Variants in FSD1L observed in about 807,000 individuals in gnomAD.
The protein encoded by FSD1L is FSD1-like protein.
A neutral mutation model predicts 71.6 loss-of-function variants in FSD1L; 45 were observed. The ratio of observed to expected loss-of-function variants is 0.63; its 90% CI spans 0.49 to 0.81. FSD1L has a LOEUF of 0.81. FSD1L is among the 30% of genes least tolerant of loss of function. The pLI, the probability that FSD1L is intolerant of heterozygous loss-of-function variation, is 0.00. For synonymous variants in FSD1L, 197 were observed against 207.2 expected (o/e 0.95, Z 0.42); for missense variants, 561 against 618.1 (o/e 0.91, Z 0.98).
At chr9:105,506,066 C>T (rs1382182261) in intron 7 of FSD1L, among the ~76,000 whole-genome samples, 1 of 152,096 alleles carries the variant, frequency 6.6e-6, no homozygotes, top group African/African-American at 2.4e-5. Flanking sequence ...AAAATACACT[C>T]TTGAATTATT....
chr9:105,444,188 A>G (rs969032778), upstream of FSD1L, among the ~76,000 whole-genome samples: 1 of 152,228 alleles, frequency 6.6e-6, no homozygotes, highest in Non-Finnish European at 1.5e-5. Context: ...ACAGAAGGAC[A>G]TTATGAGTAA....
intron 5 of FSD1L, among the ~76,000 whole-genome samples, chr9:105,474,980 C>T (rs187496093): frequency 4.0e-3 from 614 of 152,276 alleles, no homozygotes; most frequent in Middle Eastern, 0.014. Flanking sequence ...TTTATGCAGA[C>T]GGATCACCAG....
intron 1 of FSD1L, among the ~76,000 whole-genome samples, chr9:105,450,534 C>CTTT (rs35115121): frequency 4.1e-4 from 56 of 137,934 alleles, no homozygotes; most frequent in African/African-American, 1.3e-3. Flanking sequence ...GGATTGTGTT[C>CTTT]TTTTTTTTTT....
chr9:105,548,219 C>T lies in FSD1L; in HGVS notation c.*1736C>T, dbSNP rs1276459704. ...AAGAAATATAATTTTGGTTTTTGTT[C>T]CTCAGAGAGAGTTTGAAAGAAATTT... On this transcript the variant is annotated 3_prime_UTR_variant, in exon 14 of 14. Coordinates refer to ENST00000481272, the MANE Select transcript of FSD1L (RefSeq NM_001145313.3). 2 of 151,906 alleles carry T rather than the reference C, an allele frequency of 1.3e-5. No homozygotes were observed. Among genetic ancestry groups the T allele is most frequent in the East Asian group, 1.9e-4 (1 of 5,184 alleles). The allele number at this position is 151,906 out of a possible 1,614,324, so 9.4% of individuals were successfully genotyped here. A position where few individuals can be genotyped will look rare whatever the true frequency, so the allele number is the denominator to read the frequency against.
intron 12 of FSD1L, among the ~76,000 whole-genome samples, chr9:105,536,076 C>T (rs1313190270): frequency 6.6e-6 from 1 of 152,196 alleles, no homozygotes; most frequent in Non-Finnish European, 1.5e-5. Context: ...ACTCCATCTG[C>T]CACACAGTAT....
intron 1 of FSD1L, among the ~76,000 whole-genome samples, chr9:105,460,470 T>C (rs1355941043): frequency 6.6e-6 from 1 of 151,240 alleles, no homozygotes; most frequent in Non-Finnish European, 1.5e-5. Context: ...CTTGCACCTG[T>C]AATCCCAGCT....
intron 10 of FSD1L, among the ~76,000 whole-genome samples, chr9:105,529,758 TTAAGTA>T (rs1589089844): frequency 6.6e-6 from 1 of 151,726 alleles, no homozygotes; most frequent in Admixed American, 6.6e-5. Context: ...CCCCAGAACT[TTAAGTA>T]TAATAATATT....
Position 105,474,122 on chromosome 9 carries a change from G to A in FSD1L, c.441+2117G>A, listed in dbSNP as rs191311689. On this transcript the variant is annotated intron_variant, in intron 5 of 13. Transcript: ENST00000481272. The stretch of plus-strand genomic sequence containing the variant: ...ATTGTGGGAACATTAGAGTGTAATG[G>A]CACAAACCTAGACAGTATAGCCTAC... Among the ~76,000 whole-genome samples the A allele has an allele frequency of 4.6e-5, 7 of 152,200 alleles. No individual in the cohort carries two copies. The East Asian group carries it at 1.3e-3, about 29-fold the overall frequency.
At chr9:105,476,296 C>T (rs944711392) in intron 5 of FSD1L, among the ~76,000 whole-genome samples, 1 of 152,036 alleles carries the variant, frequency 6.6e-6, no homozygotes, top group Admixed American at 6.5e-5. Context: ...CTCTCTCTTC[C>T]CTCATTGCCT....
At chr9:105,500,797 A>G (rs1326741699) in intron 7 of FSD1L, 4 of 152,146 alleles carry the variant, frequency 2.6e-5, no homozygotes, top group African/African-American at 9.7e-5. Context: ...TTAAATAAAA[A>G]TTTTGCCAAG....
At chr9:105,497,702 C>T (rs1234990085) in intron 7 of FSD1L, among the ~76,000 whole-genome samples, 1 of 151,792 alleles carries the variant, frequency 6.6e-6, no homozygotes, top group Non-Finnish European at 1.5e-5. Flanking sequence ...TTGTTGATGC[C>T]CCCTCTTTCA....
intron 5 of FSD1L, among the ~76,000 whole-genome samples, chr9:105,478,288 C>A (rs60348488): frequency 0.015 from 2,242 of 152,182 alleles, 53 homozygotes; most frequent in African/African-American, 0.052. Flanking sequence ...TAGAAAGAGT[C>A]CTCAGACCAG....
rs1452093804 is a variant in FSD1L, at chr9:105,512,884, A to C, written c.973A>C (p.Thr325Pro). 6.5e-7 allele frequency: 1 copy of C among 1,542,556 alleles called. No individual in the cohort carries two copies. Among genetic ancestry groups the C allele is most frequent in the South Asian group, 1.2e-5 (1 of 82,354 alleles). The change falls in exon 10 of 14, where the codon ACT becomes CCT. Residue 325 changes from threonine (T) to proline (P), a missense_variant. By Grantham distance (38) the Thr-to-Pro change is conservative (BLOSUM62 -1). This residue lies in a region of FSD1L where 410 missense variants were observed against 413.5 expected (regional missense o/e 0.99). Coordinates refer to ENST00000481272, the MANE Select transcript of FSD1L (RefSeq NM_001145313.3). Reference protein sequence around the residue: ...VEDTCVEWDPTGGKGQESKIK... With the variant: ...VEDTCVEWDPPGGKGQESKIK... ...AGATACATGTGTAGAGTGGGATCCT[A>C]CTGGAGGAAAAGGTCAAGAAAGTAA...
At chr9:105,515,410 C>G (rs879422375) in intron 10 of FSD1L, among the ~76,000 whole-genome samples, 5 of 152,164 alleles carry the variant, frequency 3.3e-5, no homozygotes, top group Non-Finnish European at 7.4e-5. Flanking sequence ...TAAATAGGAA[C>G]AGCTCCAGTC....
chr9:105,537,770 A>G (rs909053904), intron 12 of FSD1L, among the ~76,000 whole-genome samples: 1 of 152,140 alleles, frequency 6.6e-6, no homozygotes, highest in Non-Finnish European at 1.5e-5. Context: ...GCAGTCTTCA[A>G]GTGGTGTAGA....
intron 10 of FSD1L, chr9:105,520,473 T>C: frequency 9.5e-7 from 1 of 1,054,956 alleles, no homozygotes; most frequent in Non-Finnish European, 1.5e-6. Flanking sequence ...AACAGAAAGG[T>C]CACAAGTCTC....
chr9:105,504,315 T>C (rs1833932055), intron 7 of FSD1L, among the ~76,000 whole-genome samples: 1 of 152,204 alleles, frequency 6.6e-6, no homozygotes, highest in African/African-American at 2.4e-5. Flanking sequence ...TTATGACAAA[T>C]AATAAATGCT....
At chr9:105,497,517 A>G (rs1043543314) in intron 7 of FSD1L, among the ~76,000 whole-genome samples, 1 of 152,188 alleles carries the variant, frequency 6.6e-6, no homozygotes, top group Admixed American at 6.5e-5. Flanking sequence ...TTGGAAAGTT[A>G]TTAGTATCGA....
intron 4 of FSD1L, among the ~76,000 whole-genome samples, chr9:105,468,913 C>T (rs1172932838): frequency 6.6e-6 from 1 of 152,068 alleles, no homozygotes; most frequent in South Asian, 2.1e-4. Flanking sequence ...ACTTTATGTC[C>T]CTTGATCAAC....
Sources: gnomAD v4.1 joint callset for allele counts (sites outside exome capture counted in the v4.1 genomes callset) on GRCh38, gnomAD v4.1.1 for gene constraint, gnomAD v4.1.1 regional missense constraint, MANE v1.5 for transcripts, NCBI Gene and HGNC (gene_info 2026-07-23, HGNC 2026-07-21) for gene names.